The following OR2L13 variants were observed in gnomAD, a reference collection of about 807,000 sequenced individuals.
OR2L13 encodes olfactory receptor 2L13.
In OR2L13, 14 loss-of-function variants were observed where a neutral mutation model predicts 15.3. The observed-to-expected ratio is 0.91, with a 90% CI of 0.60 to 1.43. The LOEUF (loss-of-function observed/expected upper bound fraction) is 1.43. OR2L13 is among the 40% of genes most tolerant of loss of function. OR2L13 has a pLI of 0.00. For synonymous variants in OR2L13, 152 were observed against 142.9 expected (o/e 1.06, Z -0.45); for missense variants, 367 against 387.9 (o/e 0.95, Z 0.45).
the OR2L13 span, among the ~76,000 whole-genome samples, chr1:247,963,998 C>A: frequency 6.6e-6 from 1 of 152,166 alleles, no homozygotes; most frequent in Admixed American, 6.6e-5. Flanking sequence ...AATGTCAGCA[C>A]GCTCAGAAGC....
chr1:248,022,596 T>A, the OR2L13 span: 3 of 1,614,220 alleles, frequency 1.9e-6, no homozygotes, highest in African/African-American at 1.3e-5. Context: ...TGCGTGTTCC[T>A]ATGGCTGGGT....
At chr1:248,039,315 C>A in the OR2L13 span, 1 of 877,682 alleles carries the variant, frequency 1.1e-6, no homozygotes, top group Non-Finnish European at 1.6e-6. Context: ...AGAAGTTAAT[C>A]TAGAAGAAAT....
At chr1:248,037,509 A>G in the OR2L13 span, among the ~76,000 whole-genome samples, 10 of 152,182 alleles carry the variant, frequency 6.6e-5, no homozygotes, top group African/African-American at 1.9e-4. Flanking sequence ...TGAAGTTGTA[A>G]GACAAATGAT....
chr1:247,982,715 A>G, the OR2L13 span, among the ~76,000 whole-genome samples: 2 of 151,750 alleles, frequency 1.3e-5, no homozygotes, highest in Non-Finnish European at 2.9e-5. Context: ...ATAAAAATGT[A>G]TGGTTGTTGC....
At chr1:248,003,725 C>T in the OR2L13 span, 7 of 1,613,612 alleles carry the variant, frequency 4.3e-6, no homozygotes, top group African/African-American at 2.7e-5. Flanking sequence ...GGGCACAGTG[C>T]TTTTGAGTGC....
the OR2L13 span, among the ~76,000 whole-genome samples, chr1:248,052,369 G>A: frequency 6.6e-6 from 1 of 152,124 alleles, no homozygotes; most frequent in African/African-American, 2.4e-5. Context: ...TTATACTGTT[G>A]AGCTATATGT....
At chr1:248,092,498 A>G (rs539167424), upstream of OR2L13, among the ~76,000 whole-genome samples, 3 of 152,292 alleles carry the variant, frequency 2.0e-5, no homozygotes, top group African/African-American at 7.2e-5. Flanking sequence ...GAACAGCACC[A>G]TCAACCAACT....
the OR2L13 span, among the ~76,000 whole-genome samples, chr1:247,983,243 G>T: frequency 6.6e-6 from 1 of 152,114 alleles, no homozygotes; most frequent in Non-Finnish European, 1.5e-5. Context: ...TGGAATTATG[G>T]AACAAATCCT....
the OR2L13 span, among the ~76,000 whole-genome samples, chr1:248,012,067 A>G: frequency 6.6e-6 from 1 of 152,136 alleles, no homozygotes; most frequent in African/African-American, 2.4e-5. Flanking sequence ...AGTTTTATTT[A>G]TGTTCCTTAT....
At chr1:248,088,521 G>A in the OR2L13 span, among the ~76,000 whole-genome samples, 1 of 152,138 alleles carries the variant, frequency 6.6e-6, no homozygotes, top group Non-Finnish European at 1.5e-5. Context: ...TAAACGTTCT[G>A]GGAGAGTGTC....
At chr1:247,969,378 G>C in the OR2L13 span, among the ~76,000 whole-genome samples, 1 of 152,076 alleles carries the variant, frequency 6.6e-6, no homozygotes, top group Non-Finnish European at 1.5e-5. Flanking sequence ...TTTGGCTTTT[G>C]TTGCCATTGC....
the OR2L13 span, among the ~76,000 whole-genome samples, chr1:248,072,739 G>A: frequency 1.3e-4 from 20 of 151,806 alleles, no homozygotes; most frequent in Non-Finnish European, 2.6e-4. Flanking sequence ...CTGACAAAGG[G>A]CTAATATCCA....
chr1:248,061,100 G>A, the OR2L13 span: 61 of 1,613,928 alleles, frequency 3.8e-5, 1 homozygote, highest in South Asian at 5.7e-4. Context: ...AAAAGAATGT[G>A]TGTGCTGATG....
At chr1:248,073,430 A>G in the OR2L13 span, among the ~76,000 whole-genome samples, 2 of 152,002 alleles carry the variant, frequency 1.3e-5, no homozygotes, top group Non-Finnish European at 2.9e-5. Context: ...GAACATTAAG[A>G]ATACATGGAC....
the OR2L13 span, among the ~76,000 whole-genome samples, chr1:247,992,725 G>A: frequency 6.6e-6 from 1 of 152,128 alleles, no homozygotes; most frequent in South Asian, 2.1e-4. Context: ...TTTTATAGCT[G>A]TGTAGTGTTT....
chr1:247,999,683 T>C, the OR2L13 span, among the ~76,000 whole-genome samples: 3 of 152,146 alleles, frequency 2.0e-5, no homozygotes, highest in Non-Finnish European at 2.9e-5. Context: ...GCCATCCTTG[T>C]CTAGACTCCA....
At chr1:247,992,800 T>TAGGTCTTTGC in the OR2L13 span, among the ~76,000 whole-genome samples, 14,057 of 152,136 alleles carry the variant, frequency 0.092, 859 homozygotes, top group East Asian at 0.17. Context: ...AGGTTGATTG[T>TAGGTCTTTGC]AGGTCTTTGC....
chr1:248,097,199 G>A (rs1027019795), upstream of OR2L13: 22 of 152,178 alleles, frequency 1.4e-4, no homozygotes, highest in African/African-American at 4.3e-4. Context: ...CCACAGAAGT[G>A]TTTCTGGGCT....
chr1:248,004,203 C>A, the OR2L13 span: 2 of 705,200 alleles, frequency 2.8e-6, no homozygotes, highest in East Asian at 2.8e-5. Context: ...TCACTGATTT[C>A]TGGACAAAAT....
Sources: gnomAD v4.1 joint callset for allele counts (sites outside exome capture counted in the v4.1 genomes callset) on GRCh38, gnomAD v4.1.1 for gene constraint, MANE v1.5 for transcripts, NCBI Gene and HGNC (gene_info 2026-07-23, HGNC 2026-07-21) for gene names.